UBE3B: variants seen among roughly 807,000 people sequenced by gnomAD.
UBE3B encodes ubiquitin-protein ligase E3B.
In UBE3B, 80 loss-of-function variants were observed where a neutral mutation model predicts 132.3. The observed-to-expected ratio is 0.60, with a 90% confidence interval of 0.50 to 0.73. The LOEUF (loss-of-function observed/expected upper bound fraction) is 0.73, where lower values mean the gene tolerates loss of function less well. Among genes scored for constraint, UBE3B ranks in the 30% least tolerant of loss-of-function variants. The pLI, the probability that UBE3B is intolerant of heterozygous loss-of-function variation, is 0.00. For synonymous variants in UBE3B, 487 were observed against 520.4 expected, an observed-to-expected ratio of 0.94 and a Z score of 0.87; for missense variants, 1,196 against 1,362.5, an observed-to-expected ratio of 0.88 and a Z score of 1.92.
chr12:109,512,247 A>G (rs1259846439), intron 18 of UBE3B, among the ~76,000 whole-genome samples: 3 of 152,158 alleles, frequency 2.0e-5, no homozygotes, highest in East Asian at 1.9e-4. Context: ...GACTCCCCCC[A>G]TAACCTGGGC....
chr12:109,513,204 G>A (rs532808426), intron 18 of UBE3B, among the ~76,000 whole-genome samples: 2 of 152,112 alleles, frequency 1.3e-5, no homozygotes, highest in South Asian at 2.1e-4. Context: ...TCCTGGACCC[G>A]CGTGTCTGTG....
At position 109,499,766 on chromosome 12, in the gene UBE3B, C is replaced by T; in HGVS notation, c.1074C>T (p.His358=). The change falls in exon 12 of 28, where the codon CAC becomes CAT. Residue 358 remains histidine, a synonymous_variant. Transcript: ENST00000342494. ...CTCAGAAGAAGTCCAACCTGACCCA[C>T]TGGCATCCTGTCCTTGGCTGGTTCT... The part of the protein sequence containing the change: ...YVSQKKSNLT[H]WHPVLGWFSQ... 1 of 1,611,222 alleles carries T rather than the reference C, an allele frequency of 6.2e-7. No homozygotes were observed. Among genetic ancestry groups the T allele is most frequent in the Non-Finnish European group, 8.5e-7 (1 of 1,178,462 alleles).
At position 109,511,275 on chromosome 12, in the gene UBE3B, A is replaced by G. The variant is rs200296256; in HGVS notation, c.1928A>G (p.Tyr643Cys). The change falls in exon 18 of 28, where the codon TAC (tyrosine) becomes TGC (cysteine). Residue 643 changes from tyrosine (Y) to cysteine (C), a missense_variant. Tyr to Cys is a radical substitution (Grantham distance 194). Transcript: ENST00000342494. The stretch of plus-strand genomic sequence containing the variant: ...AAACGGGCACAGTTGATCCTGCAGT[A>G]CATCCCACATGTCATCCCTCACAAA... ...DRKRAQLILQ[Y>C]IPHVIPHKNR... The G allele has an allele frequency of 3.3e-5, 53 of 1,614,078 alleles. No individual in the cohort carries two copies. Among genetic ancestry groups the G allele is most frequent in the Non-Finnish European group, 2.1e-5 (25 of 1,180,022 alleles).
intron 9 of UBE3B, chr12:109,491,408 TGC>T (rs1307564783): frequency 1.7e-5 from 5 of 302,244 alleles, no homozygotes; most frequent in Non-Finnish European, 3.0e-5. Context: ...GAGGCCAAGA[TGC>T]AATCATTTTT....
chr12:109,487,359 T>TTGG (rs1876681695), intron 6 of UBE3B, among the ~76,000 whole-genome samples: 2 of 152,192 alleles, frequency 1.3e-5, no homozygotes, highest in Non-Finnish European at 2.9e-5. Context: ...TAGAGAGGTC[T>TTGG]CAGGGACAGA....
At chr12:109,495,930 G>A (rs1484456329) in intron 9 of UBE3B, among the ~76,000 whole-genome samples, 1 of 152,238 alleles carries the variant, frequency 6.6e-6, no homozygotes, top group African/African-American at 2.4e-5. Context: ...CAATGCTGCA[G>A]AGATTTTGTT....
At chr12:109,512,895 C>A (rs985905872) in intron 18 of UBE3B, among the ~76,000 whole-genome samples, 4 of 152,244 alleles carry the variant, frequency 2.6e-5, no homozygotes, top group African/African-American at 9.6e-5. Context: ...ATAGAAAATG[C>A]ACAGCTTTGC....
Position 109,511,262 on chromosome 12 carries a change from T to G in UBE3B, c.1915T>G (p.Leu639Val). ...CGACAGGGACAGAAAACGGGCACAG[T>G]TGATCCTGCAGTACATCCCACATGT... is the stretch of plus-strand genomic sequence containing the variant. ...ELDRDRKRAQ[L>V]ILQYIPHVIP... is the part of the protein sequence containing the mutation. The change falls in exon 18 of 28, where the codon TTG becomes GTG. Residue 639 changes from leucine to valine, a missense_variant. By Grantham distance (32) the Leu-to-Val change is conservative. Coordinates refer to ENST00000342494, the MANE Select transcript of UBE3B (RefSeq NM_130466.4). The G allele has an allele frequency of 6.2e-7, 1 of 1,614,172 alleles. No individual in the cohort carries two copies. Among genetic ancestry groups the G allele is most frequent in the East Asian group, 2.2e-5 (1 of 44,880 alleles).
Position 109,534,802 on chromosome 12 carries a change from T to C in UBE3B, c.*20T>C. On this transcript the variant is annotated 3_prime_UTR_variant, in exon 28 of 28. Transcript: ENST00000342494. This position sits in a 1 kb window ranked among gnomAD's most constrained non-coding sequence, Gnocchi z 5.2. Reference sequence around the variant, plus strand: ...TCCTAGCTCCTGTCCCAGCCCTGCCTCCAGGGCTCCTGGGCTGCCAGGGAC... The same window carrying C: ...TCCTAGCTCCTGTCCCAGCCCTGCCCCCAGGGCTCCTGGGCTGCCAGGGAC... 1 of 1,472,826 alleles carries C rather than the reference T, an allele frequency of 6.8e-7. No individual in the cohort carries two copies. The highest frequency in any genetic ancestry group is 9.0e-7 in the Non-Finnish European group (1 of 1,105,248). 91.2% of individuals were successfully genotyped at this position (1,472,826 alleles called of 1,614,324 possible). A position where few individuals can be genotyped will look rare whatever the true frequency, so the allele number is the denominator to read the frequency against.
intron 18 of UBE3B, among the ~76,000 whole-genome samples, chr12:109,514,586 T>C (rs1264382503): frequency 1.3e-5 from 2 of 152,198 alleles, no homozygotes; most frequent in African/African-American, 4.8e-5. Context: ...ACAGCACCCC[T>C]TCAGGTGGTC....
rs574639065 is a variant in UBE3B at position 109,489,506 on chromosome 12, C to A, written c.545-413C>A. ...CAAGGAGGGCTTATTTCAGGCATGA[C>A]CCTGGCCTCTTGGGGGGAACCCAAA... On this transcript the variant is annotated intron_variant, in intron 7 of 27. Transcript: ENST00000342494. Among the ~76,000 whole-genome samples, 36 of 152,288 alleles carry A rather than the reference C, an allele frequency of 2.4e-4. 1 individual carries two copies. In the South Asian group the frequency reaches 7.5e-3, roughly 32 times the overall value.
At chr12:109,505,780 T>C (rs186241501) in intron 14 of UBE3B, among the ~76,000 whole-genome samples, 1 of 152,334 alleles carries the variant, frequency 6.6e-6, no homozygotes, top group Admixed American at 6.5e-5. Flanking sequence ...CCTCTAAGTA[T>C]CCTTCAGTAG....
rs539407162 is a variant in UBE3B at position 109,533,533 on chromosome 12, G to C, written c.2990G>C (p.Arg997Pro). The change falls in exon 27 of 28, where the codon CGC (arginine) becomes CCC (proline). Residue 997 changes from arginine to proline, a missense_variant. By Grantham distance (103) the Arg-to-Pro change is moderately radical (BLOSUM62 -2). Coordinates refer to ENST00000342494, the MANE Select transcript of UBE3B (RefSeq NM_130466.4). ...TACCTCAAGCCTCCATTCTCCATCC[G>C]CTGCGTGGAGGTGTCGGACGATCAG... Reference protein sequence around the residue: ...FAYLKPPFSIRCVEVSDDQDT... With the variant: ...FAYLKPPFSIPCVEVSDDQDT... 5.0e-6 allele frequency: 8 copies of C among 1,613,792 alleles called. No homozygotes were observed. The highest frequency in any genetic ancestry group is 6.8e-6 in the Non-Finnish European group (8 of 1,179,986).
At chr12:109,501,665 T>G in intron 13 of UBE3B, 131 bp downstream of exon 13, 2 of 1,152,094 alleles carry the variant, frequency 1.7e-6, no homozygotes, top group Non-Finnish European at 2.4e-6. Context: ...TCGTTCTTGT[T>G]GTTAGAGACA....
chr12:109,516,491 C>G (rs932982124), intron 18 of UBE3B, among the ~76,000 whole-genome samples: 3 of 152,086 alleles, frequency 2.0e-5, no homozygotes, highest in Non-Finnish European at 4.4e-5. Context: ...GGAGGATTTT[C>G]TCGTGGGCCA....
At chr12:109,539,662 CATT>C (rs1592986570), downstream of UBE3B, among the ~76,000 whole-genome samples, 2 of 152,184 alleles carry the variant, frequency 1.3e-5, no homozygotes, top group South Asian at 2.1e-4. Context: ...TGATAACTGT[CATT>C]ATTTTGTTCC....
At position 109,486,594 on chromosome 12, in the gene UBE3B, A is replaced by AAAAAAAAAAAAAAAAC; in HGVS notation, c.447+28_447+29insAAAAAACAAAAAAAAA. On this transcript the variant is annotated intron_variant, in intron 6 of 27. Coordinates refer to ENST00000342494, the MANE Select transcript of UBE3B (RefSeq NM_130466.4). ...GCTCAAGGTAACAAAAAAAAAAAAA[A>AAAAAAAAAAAAAAAAC]AAAAAAAAAGCAAAACCAGAAACAG... 6.5e-7 allele frequency: 1 copy of AAAAAAAAAAAAAAAAC among 1,548,862 alleles called. No homozygotes were observed. The highest frequency in any genetic ancestry group is 2.3e-5 in the East Asian group (1 of 44,206).
In UBE3B at chr12:109,534,009, C is replaced by G. The variant is rs1250629785; in HGVS notation, c.3015+451C>G. ...TTGGCCAAAGGAGAAGGAAAGCCTT[C>G]AGGGTTACGGAGCTCTGTGTGTCTC... On this transcript the variant is annotated intron_variant, in intron 27 of 27. Transcript: ENST00000342494. This position sits in a 1 kb window ranked among gnomAD's most constrained non-coding sequence, Gnocchi z 5.2. The G allele has an allele frequency of 1.5e-6, 2 of 1,295,698 alleles. No individual in the cohort carries two copies. Among genetic ancestry groups the G allele is most frequent in the Non-Finnish European group, 2.0e-6 (2 of 993,574 alleles). 80.3% of individuals were successfully genotyped at this position (1,295,698 alleles called of 1,614,324 possible).
chr12:109,530,385 G>A (rs1882821480), intron 25 of UBE3B, among the ~76,000 whole-genome samples, 162 bp from the exon 26 acceptor site: 1 of 152,210 alleles, frequency 6.6e-6, no homozygotes, highest in Admixed American at 6.5e-5. Flanking sequence ...GCTTCCCAGG[G>A]AGATAGAGTT....
Sources: allele counts gnomAD v4.1 joint callset (sites outside exome capture counted in the v4.1 genomes callset), GRCh38; gene constraint gnomAD v4.1.1; non-coding constraint Gnocchi (gnomAD v3.1); transcripts MANE v1.5; gene names NCBI Gene and HGNC (gene_info 2026-07-23, HGNC 2026-07-21).